Variants in NSD1 observed in about 807,000 individuals in gnomAD.
The protein encoded by NSD1 is nuclear receptor binding SET domain protein 1, also known as histone-lysine N-methyltransferase, H3 lysine-36 specific.
NSD1 carries 26 observed loss-of-function variants against 242.7 expected under a neutral mutation model. The observed-to-expected ratio is 0.11, with a 90% CI of 0.08 to 0.15. NSD1 has a LOEUF of 0.15. NSD1 is among the 10% of genes least tolerant of loss of function. NSD1 has a pLI of 1.00. For synonymous variants in NSD1, 1,106 were observed against 1,178.1 expected (o/e 0.94, Z 1.25); for missense variants, 2,495 against 3,272.8 (o/e 0.76, Z 5.80).
At chr5:177,247,686 A>G (rs1370423163) in intron 10 of NSD1, among the ~76,000 whole-genome samples, 1 of 152,218 alleles carries the variant, frequency 6.6e-6, no homozygotes, top group African/African-American at 2.4e-5. Flanking sequence ...CCTTCAGGAA[A>G]CAAAAGATTT....
intron 2 of NSD1, among the ~76,000 whole-genome samples, chr5:177,162,641 C>T (rs982104432): frequency 6.6e-6 from 1 of 152,114 alleles, no homozygotes; most frequent in African/African-American, 2.4e-5. Flanking sequence ...CTTGGCCTCC[C>T]AAAGTGCTGG....
intron 8 of NSD1, among the ~76,000 whole-genome samples, chr5:177,243,948 C>T (rs1435138653): frequency 1.3e-5 from 2 of 152,162 alleles, no homozygotes; most frequent in African/African-American, 4.8e-5. Flanking sequence ...CCGCCTCAGC[C>T]TCCTAACGTG....
chr5:177,282,598 G>A lies in NSD1; in HGVS notation c.6009+17G>A. The A allele has an allele frequency of 6.7e-7, 1 of 1,497,566 alleles. No individual in the cohort carries two copies. The highest frequency in any genetic ancestry group is 1.7e-5 in the Admixed American group (1 of 59,872). 92.8% of individuals were successfully genotyped at this position (1,497,566 alleles called of 1,614,324 possible). A position where few individuals can be genotyped will look rare whatever the true frequency, so the allele number is the denominator to read the frequency against. On this transcript the variant is annotated intron_variant, in intron 19 of 22. Transcript: ENST00000439151. ...CTAGACAAAGTAAGTAATGGGAAAT[G>A]CTGTTTTCACTGTTACAAGATTGTA...
At chr5:177,265,855 G>T in intron 14 of NSD1, 3 of 1,454,512 alleles carry the variant, frequency 2.1e-6, no homozygotes, top group Non-Finnish European at 1.9e-6. Flanking sequence ...TGTGCACGTA[G>T]TCATTCTGCT....
chr5:177,219,484 C>T (rs1272389550), intron 5 of NSD1, among the ~76,000 whole-genome samples: 1 of 152,144 alleles, frequency 6.6e-6, no homozygotes, highest in East Asian at 1.9e-4. Flanking sequence ...CGCGCCCGGC[C>T]CTGTCAAAAG....
At chr5:177,216,670 GTTTT>G (rs771087392) in intron 5 of NSD1, among the ~76,000 whole-genome samples, 5 of 126,898 alleles carry the variant, frequency 3.9e-5, no homozygotes, top group Non-Finnish European at 8.5e-5. Context: ...AGGGATCTCT[GTTTT>G]TTTTTTTTTT....
chr5:177,249,466 T>A lies in NSD1; in HGVS notation c.4641+1142T>A, dbSNP rs898076694. On this transcript the variant is annotated intron_variant, in intron 11 of 22. Coordinates refer to ENST00000439151, the MANE Select transcript of NSD1 (RefSeq NM_022455.5). The stretch of plus-strand genomic sequence containing the variant: ...CTTTTTTATTAATTAATTATTTATT[T>A]ATTTATTTATTTATTTTTGAGACGA... Among the ~76,000 whole-genome samples, 77 of 151,706 alleles carry A rather than the reference T, an allele frequency of 5.1e-4. 2 individuals are homozygous for A. The Middle Eastern group carries it at 0.014, about 27-fold the overall frequency.
rs57206832 is a variant in NSD1 at position 177,158,821 on chromosome 5, C to CAAAAAAAAAAAAAA, written c.927+22792_927+22805dup. On this transcript the variant is annotated intron_variant, in intron 2 of 22. Transcript: ENST00000439151. ...TAGGTGATGAAGTGAGACTTCATCT[C>CAAAAAAAAAAAAAA]AAAAAAAAAAAAAAGGAAGTAATGG... is the stretch of plus-strand genomic sequence containing the variant. Among the ~76,000 whole-genome samples the CAAAAAAAAAAAAAA allele has an allele frequency of 9.6e-4, 77 of 80,270 alleles. 2 individuals are homozygous for CAAAAAAAAAAAAAA. The highest frequency in any genetic ancestry group is 0.014 in the Middle Eastern group (2 of 138). The allele number at this position is 80,270 out of a possible 152,430, so 52.7% of individuals were successfully genotyped here. A position where few individuals can be genotyped will look rare whatever the true frequency, so the allele number is the denominator to read the frequency against.
chr5:177,215,807 T>A (rs916445318), intron 5 of NSD1, among the ~76,000 whole-genome samples: 3 of 152,200 alleles, frequency 2.0e-5, no homozygotes, highest in Admixed American at 6.5e-5. Flanking sequence ...TTTAATTTGA[T>A]GAACCTCTAT....
chr5:177,222,953 C>T (rs1396606804), intron 5 of NSD1, among the ~76,000 whole-genome samples: 2 of 152,062 alleles, frequency 1.3e-5, no homozygotes, highest in Non-Finnish European at 2.9e-5. Flanking sequence ...AGGATTTACC[C>T]TATGTTTTCT....
chr5:177,172,651 G>A (rs1474442088), intron 2 of NSD1, among the ~76,000 whole-genome samples: 1 of 152,082 alleles, frequency 6.6e-6, no homozygotes, highest in Non-Finnish European at 1.5e-5. Flanking sequence ...AATCGCTGAG[G>A]CAAAATCCAA....
At chr5:177,132,700 C>T (rs1026259127), upstream of NSD1, among the ~76,000 whole-genome samples, 64 of 152,160 alleles carry the variant, frequency 4.2e-4, no homozygotes, top group African/African-American at 1.4e-3. The surrounding 1 kb of genome is among the most constrained non-coding windows in gnomAD (Gnocchi z 7.5). Flanking sequence ...TGGCTTCGTT[C>T]CCCCGCGGAG....
In NSD1 at chr5:177,211,751, G is replaced by T; in HGVS notation, c.3352G>T (p.Asp1118Tyr). ...TTTCGATAGCAAGGTTAAGCAATCTGATCCTGGTAAAATTTCTGAAAAAGG... is the reference window on the plus strand; with the variant it reads ...TTTCGATAGCAAGGTTAAGCAATCTTATCCTGGTAAAATTTCTGAAAAAGG... ...VHFDSKVKQSDPGKISEKGLS... is the reference protein window; with the variant it reads ...VHFDSKVKQSYPGKISEKGLS... Residue 1118 changes from aspartate (D) to tyrosine (Y), a missense_variant, in exon 5 of 23, where the codon GAT becomes TAT. Asp to Tyr is a radical substitution (Grantham distance 160, BLOSUM62 -3). Transcript: ENST00000439151. 6.2e-7 allele frequency: 1 copy of T among 1,614,124 alleles called. No individual in the cohort carries two copies. Among genetic ancestry groups the T allele is most frequent in the Non-Finnish European group, 8.5e-7 (1 of 1,180,034 alleles).
Position 177,295,508 on chromosome 5 carries a change from T to C in NSD1, c.*49T>C. On this transcript the variant is annotated 3_prime_UTR_variant, in exon 23 of 23. Transcript: ENST00000439151. The surrounding 1 kb of genome is among the most constrained non-coding windows in gnomAD (Gnocchi z 4.3). ...AACAAGCTGCCCCCAGGGTACCATTTGGGGAGGGGAAATCTTTTCTTTCTT... is the reference window on the plus strand; with the variant it reads ...AACAAGCTGCCCCCAGGGTACCATTCGGGGAGGGGAAATCTTTTCTTTCTT... The C allele has an allele frequency of 6.3e-7, 1 of 1,577,692 alleles. No individual in the cohort carries two copies. Among genetic ancestry groups the C allele is most frequent in the Non-Finnish European group, 8.7e-7 (1 of 1,152,254 alleles).
At chr5:177,222,961 T>C (rs1401431204) in intron 5 of NSD1, among the ~76,000 whole-genome samples, 3 of 152,250 alleles carry the variant, frequency 2.0e-5, no homozygotes, top group Non-Finnish European at 4.4e-5. Flanking sequence ...CCCTATGTTT[T>C]CTTCTAAAAC....
At chr5:177,171,075 G>A (rs1011340040) in intron 2 of NSD1, among the ~76,000 whole-genome samples, 4 of 150,604 alleles carry the variant, frequency 2.7e-5, no homozygotes, top group Non-Finnish European at 5.9e-5. Context: ...GTAATCCCAG[G>A]ACTTTGGGAG....
intron 2 of NSD1, among the ~76,000 whole-genome samples, chr5:177,180,050 G>A (rs890881921): frequency 7.3e-5 from 11 of 151,714 alleles, no homozygotes; most frequent in Non-Finnish European, 1.3e-4. Flanking sequence ...ACAGGCACCT[G>A]CCAACACGCC....
Position 177,297,594 on chromosome 5 carries a change from C to T in NSD1, c.*2135C>T, listed in dbSNP as rs923478043. 1 of 207,922 alleles carries T rather than the reference C, an allele frequency of 4.8e-6. No homozygotes were observed. Among genetic ancestry groups the T allele is most frequent in the African/African-American group, 2.6e-5 (1 of 38,056 alleles). The allele number at this position is 207,922 out of a possible 1,614,324, so 12.9% of individuals were successfully genotyped here. ...GGTATCTGCACTGCACTGTCAGAGT[C>T]TCCTTTCACTATGTTGTGTGTTAAA... On this transcript the variant is annotated 3_prime_UTR_variant, in exon 23 of 23. Coordinates refer to ENST00000439151, the MANE Select transcript of NSD1 (RefSeq NM_022455.5).
chr5:177,252,811 T>C (rs1756111030), intron 12 of NSD1, among the ~76,000 whole-genome samples: 3 of 150,904 alleles, frequency 2.0e-5, no homozygotes, highest in Admixed American at 2.0e-4. Flanking sequence ...TTTTTTTTTT[T>C]TTCTTAGCAT....
Sources: allele counts gnomAD v4.1 joint callset (sites outside exome capture counted in the v4.1 genomes callset), GRCh38; gene constraint gnomAD v4.1.1; non-coding constraint Gnocchi (gnomAD v3.1); transcripts MANE v1.5; gene names NCBI Gene and HGNC (gene_info 2026-07-23, HGNC 2026-07-21).